The following CCDC33 variants were observed in gnomAD, a reference collection of about 807,000 sequenced individuals.
CCDC33 encodes coiled-coil domain-containing protein 33.
In CCDC33, 94 loss-of-function variants were observed where a neutral mutation model predicts 91.9. The observed-to-expected ratio is 1.02, with a 90% confidence interval of 0.87 to 1.21. CCDC33 has a LOEUF of 1.21. Among genes scored for constraint, CCDC33 ranks in the 50% most tolerant of loss-of-function variants. The probability of loss-of-function intolerance (pLI) is 0.00; values close to 1 mark genes in which losing one functional copy is unlikely to be tolerated. For synonymous variants in CCDC33, 396 were observed against 374.5 expected, an observed-to-expected ratio of 1.06 and a Z score of -0.66; for missense variants, 940 against 935.5, an observed-to-expected ratio of 1.00 and a Z score of -0.06.
intron 11 of CCDC33, among the ~76,000 whole-genome samples, chr15:74,309,357 T>A (rs933780787): frequency 1.3e-5 from 2 of 152,202 alleles, no homozygotes; most frequent in Non-Finnish European, 2.9e-5. Flanking sequence ...ACCAGGTGCC[T>A]GGCGTGCAGT....
rs563015186 is a variant in CCDC33 at position 74,264,921 on chromosome 15, C to A, written c.320-1757C>A. ...GCAAGTTAGTATTCTGGTACTAGAACCCAGGTCTGCTGACTTCATATCCCT... is the reference window on the plus strand; with the variant it reads ...GCAAGTTAGTATTCTGGTACTAGAAACCAGGTCTGCTGACTTCATATCCCT... On this transcript the variant is annotated intron_variant, in intron 3 of 18. Transcript: ENST00000398814. Among the ~76,000 whole-genome samples the A allele has an allele frequency of 2.0e-5, 3 of 152,242 alleles. No homozygotes were observed. In the South Asian group the frequency reaches 6.2e-4, roughly 32 times the overall value.
At chr15:74,226,948 G>A (rs2074819702) in intron 2 of CCDC33, among the ~76,000 whole-genome samples, 1 of 152,176 alleles carries the variant, frequency 6.6e-6, no homozygotes, top group African/African-American at 2.4e-5. Context: ...AGGTGGTAGG[G>A]AGTTGCAGGG....
In CCDC33 at chr15:74,236,443, A is replaced by AC; in HGVS notation, c.-272dup. 1 of 430,868 alleles carries AC rather than the reference A, an allele frequency of 2.3e-6. No individual in the cohort carries two copies. Among genetic ancestry groups the AC allele is most frequent in the East Asian group, 3.6e-5 (1 of 27,706 alleles). 26.7% of individuals were successfully genotyped at this position (430,868 alleles called of 1,614,324 possible). On this transcript the variant is annotated 5_prime_UTR_variant, in exon 1 of 19. The change abolishes the stop of an existing upstream ORF in the 5' untranslated region. Transcript: ENST00000398814. ...CCTGTCCAGCTGGCCATGGCCCTCA[A>AC]CCCCCAAGGCCCTTCCACCCACAGA...
At position 74,210,022 on chromosome 15, in the gene CCDC33, C is replaced by T. The variant is rs2074346101; in HGVS notation, n.236+488C>T. ...GGAAGAGAGAAGGACAATGCCAGAG[C>T]CAGGCCTGCCCAGGAGAGGCAGGGA... On this transcript the variant is annotated intron_variant and non_coding_transcript_variant, in intron 2 of 3. Transcript: ENST00000558645. Among the ~76,000 whole-genome samples, 5 of 152,008 alleles carry T rather than the reference C, an allele frequency of 3.3e-5. No individual in the cohort carries two copies. In the South Asian group the frequency reaches 1.0e-3, roughly 32 times the overall value.
chr15:74,315,901 G>A (rs1174431760), intron 11 of CCDC33, among the ~76,000 whole-genome samples: 1 of 152,130 alleles, frequency 6.6e-6, no homozygotes, highest in East Asian at 1.9e-4. Context: ...CAAGCTGGGG[G>A]AAGGAAGTGT....
chr15:74,295,773 C>A lies in CCDC33; in HGVS notation c.1115C>A (p.Thr372Lys). Residue 372 changes from threonine to lysine, a missense_variant, in exon 11 of 19, where the codon ACA becomes AAA. Coordinates refer to ENST00000398814, the MANE Select transcript of CCDC33 (RefSeq NM_025055.5). ...LSSERPENFL[T>K]PNNSKALPTL... ...TCTCAGAGACCAGAAAACTTCTTGA[C>A]ACCAAACAACAGCAAGGCTCTTCCT... 6.2e-7 allele frequency: 1 copy of A among 1,612,818 alleles called. No homozygotes were observed. The highest frequency in any genetic ancestry group is 1.3e-5 in the African/African-American group (1 of 74,902).
chr15:74,334,951 A>C, intron 17 of CCDC33, 24 bp from the exon 18 acceptor site: 1 of 1,581,402 alleles, frequency 6.3e-7, no homozygotes, highest in Non-Finnish European at 8.7e-7. Context: ...ATGGTCCTCC[A>C]ATTGTCCCTC....
intron 11 of CCDC33, among the ~76,000 whole-genome samples, chr15:74,308,818 C>T (rs1596084936): frequency 6.6e-6 from 1 of 152,318 alleles, no homozygotes; most frequent in South Asian, 2.1e-4. Context: ...AGAGCAATGA[C>T]AGCTGGACCC....
chr15:74,235,349 G>A (rs1283416402), upstream of CCDC33, among the ~76,000 whole-genome samples: 1 of 152,200 alleles, frequency 6.6e-6, no homozygotes, highest in Non-Finnish European at 1.5e-5. Context: ...TGGAGTGGGG[G>A]TAGAGAGGGA....
upstream of CCDC33, among the ~76,000 whole-genome samples, chr15:74,232,780 C>G (rs958922887): frequency 6.6e-6 from 1 of 152,214 alleles, no homozygotes; most frequent in African/African-American, 2.4e-5. Context: ...TTAACGCGGA[C>G]AGTGAAGTCC....
At chr15:74,318,727 G>A (rs950446036) in intron 11 of CCDC33, 3 of 708,452 alleles carry the variant, frequency 4.2e-6, no homozygotes, top group Admixed American at 2.1e-5. Flanking sequence ...GTGTGTTGGG[G>A]TGTGTTGCCC....
intron 11 of CCDC33, among the ~76,000 whole-genome samples, chr15:74,321,419 C>T (rs2060204718): frequency 6.6e-6 from 1 of 151,878 alleles, no homozygotes; most frequent in South Asian, 2.1e-4. Context: ...CATCCACCAC[C>T]ATGCCTGGCT....
chr15:74,335,146 C>A, intron 18 of CCDC33, 58 bp downstream of exon 18: 1 of 1,342,910 alleles, frequency 7.4e-7, no homozygotes, highest in Non-Finnish European at 1.1e-6. Context: ...AGGAAGCCAC[C>A]GCACCCCCAA....
intron 2 of CCDC33, among the ~76,000 whole-genome samples, chr15:74,245,831 G>A (rs1234376011): frequency 6.6e-6 from 1 of 152,180 alleles, no homozygotes; most frequent in Non-Finnish European, 1.5e-5. Flanking sequence ...AGCAGCGCCC[G>A]GGCCAGGCTG....
chr15:74,225,557 A>G (rs151218148), intron 2 of CCDC33, among the ~76,000 whole-genome samples: 5 of 151,926 alleles, frequency 3.3e-5, no homozygotes, highest in Middle Eastern at 3.4e-3. Context: ...TCAATGATAG[A>G]TTCACCCCGA....
chr15:74,324,767 C>G (rs1274849323), intron 11 of CCDC33, among the ~76,000 whole-genome samples: 1 of 151,598 alleles, frequency 6.6e-6, no homozygotes, highest in Non-Finnish European at 1.5e-5. Flanking sequence ...CTGCAGGTAC[C>G]TCACCCCTAA....
intron 11 of CCDC33, chr15:74,318,531 T>C: frequency 1.5e-6 from 1 of 665,606 alleles, no homozygotes. Context: ...AGGCAGGCAC[T>C]TGTTGTAGCA....
upstream of CCDC33, among the ~76,000 whole-genome samples, chr15:74,234,242 G>A (rs1011224473): frequency 1.3e-5 from 2 of 152,234 alleles, no homozygotes; most frequent in African/African-American, 4.8e-5. Flanking sequence ...ATAGCTCCAA[G>A]TGCTGTCTCC....
At chr15:74,253,471 A>G (rs2075770452) in intron 2 of CCDC33, among the ~76,000 whole-genome samples, 1 of 152,056 alleles carries the variant, frequency 6.6e-6, no homozygotes, top group African/African-American at 2.4e-5. Context: ...TCATCCTTCC[A>G]TGCACACACT....
Sources: allele counts gnomAD v4.1 joint callset (sites outside exome capture counted in the v4.1 genomes callset), GRCh38; gene constraint gnomAD v4.1.1; transcripts MANE v1.5; gene names NCBI Gene and HGNC (gene_info 2026-07-23, HGNC 2026-07-21).